Variants in PRAMEF15 observed in about 807,000 individuals in gnomAD.
PRAMEF15 encodes the protein PRAME family member 9/15.
Under a neutral mutation model 35.3 loss-of-function variants are expected in PRAMEF15, and 21 were observed. The observed-to-expected ratio is 0.59, with a 90% CI of 0.42 to 0.86. The LOEUF is 0.86. Ranked by LOEUF, PRAMEF15 falls within the 40% of genes least tolerant of loss-of-function variation. The pLI is 0.00. For synonymous variants in PRAMEF15, 122 were observed against 223.3 expected, an observed-to-expected ratio of 0.55 and a Z score of 4.05; for missense variants, 360 against 574.1, an observed-to-expected ratio of 0.63 and a Z score of 3.81.
At chr1:13,317,611 A>C (rs1272504466) in intron 1 of PRAMEF15, among the ~76,000 whole-genome samples, 3 of 152,012 alleles carry the variant, frequency 2.0e-5, no homozygotes, top group Non-Finnish European at 2.9e-5. Flanking sequence ...CTTTACAAAA[A>C]GTCAAAAAAT....
chr1:13,318,076 A>G (rs1157977968), intron 1 of PRAMEF15, among the ~76,000 whole-genome samples: 6 of 149,132 alleles, frequency 4.0e-5, no homozygotes, highest in African/African-American at 1.5e-4. Flanking sequence ...TAGATCCTTG[A>G]GTAATTAGTA....
chr1:13,319,201 A>G lies in PRAMEF15; in HGVS notation c.294-171A>G, dbSNP rs547954898. On this transcript the variant is annotated intron_variant, in intron 2 of 3. Coordinates refer to ENST00000376152, the MANE Select transcript of PRAMEF15 (RefSeq NM_001098376.3). ...ACAGGGAGACTTGGTCTCAAAAAAA[A>G]AAAAAAACAAAACAATGTGGAAGTG... Among the ~76,000 whole-genome samples the G allele has an allele frequency of 4.0e-5, 6 of 151,308 alleles. No individual in the cohort carries two copies. The East Asian group carries it at 1.2e-3, about 30-fold the overall frequency.
Position 13,318,688 on chromosome 1 carries a change from G to C in PRAMEF15, c.281G>C (p.Gly94Ala), listed in dbSNP as rs1553166915. Residue 94 changes from glycine (G) to alanine (A), a missense_variant, in exon 2 of 4, where the codon GGG becomes GCG. Transcript: ENST00000376152. ...GGGCTTGATGCACTGCTTACCCAAGGGGTTCGTCCCAGGTGAGGTGGCCCA... is the reference window on the plus strand; with the variant it reads ...GGGCTTGATGCACTGCTTACCCAAGCGGTTCGTCCCAGGTGAGGTGGCCCA... ...LDGLDALLTQ[G>A]VRPRRWKLQV... is the part of the protein sequence containing the mutation. 2.5e-6 allele frequency: 4 copies of C among 1,613,722 alleles called. No homozygotes were observed. The highest frequency in any genetic ancestry group is 2.7e-5 in the African/African-American group (2 of 74,906).
chr1:13,318,961 C>T (rs926764568), intron 2 of PRAMEF15, among the ~76,000 whole-genome samples: 3 of 151,776 alleles, frequency 2.0e-5, no homozygotes, highest in African/African-American at 7.3e-5. Context: ...CAATGTAATC[C>T]CAGCACATTG....
intron 3 of PRAMEF15, 118 bp from the exon 4 acceptor site, chr1:13,321,585 C>G (rs1234989476): frequency 1.9e-5 from 27 of 1,395,676 alleles, no homozygotes; most frequent in East Asian, 4.6e-5. Context: ...ATCAGGCCAT[C>G]AGAATGACCC....
At chr1:13,319,001 C>T (rs1640043632) in intron 2 of PRAMEF15, among the ~76,000 whole-genome samples, 3 of 151,848 alleles carry the variant, frequency 2.0e-5, no homozygotes, top group Admixed American at 6.6e-5. Flanking sequence ...TGGAGGCCAG[C>T]CTGTCCAACA....
intron 3 of PRAMEF15, among the ~76,000 whole-genome samples, chr1:13,320,948 A>G (rs1216775657): frequency 6.6e-6 from 1 of 152,070 alleles, no homozygotes; most frequent in African/African-American, 2.4e-5. Flanking sequence ...AGGGTCAGGG[A>G]GCAGGCACAA....
At chr1:13,315,840 A>C (rs1243120348) in intron 1 of PRAMEF15, among the ~76,000 whole-genome samples, 182 bp downstream of exon 1, 3 of 151,764 alleles carry the variant, frequency 2.0e-5, no homozygotes, top group Admixed American at 2.0e-4. Context: ...ATTTCAAAAA[A>C]GTTGATTGTG....
In PRAMEF15 at chr1:13,319,354, A is replaced by G. The variant is rs1358683725; in HGVS notation, c.294-18A>G. ...AATGAGTTCTTAAATTCTCAGTCTC[A>G]CCTCTATTTTGCCACAGGAGGTGGA... On this transcript the variant is annotated intron_variant, in intron 2 of 3. Coordinates refer to ENST00000376152, the MANE Select transcript of PRAMEF15 (RefSeq NM_001098376.3). The G allele has an allele frequency of 2.5e-6, 4 of 1,609,096 alleles. No homozygotes were observed. Among genetic ancestry groups the G allele is most frequent in the Middle Eastern group, 2.2e-4 (1 of 4,450 alleles).
At position 13,318,321 on chromosome 1, in the gene PRAMEF15, A is replaced by C. The variant is rs1304830110; in HGVS notation, c.-16-71A>C. The C allele has an allele frequency of 1.2e-5, 19 of 1,589,712 alleles. No individual in the cohort carries two copies. The South Asian group carries it at 1.3e-4, about 11-fold the overall frequency. On this transcript the variant is annotated intron_variant, in intron 1 of 3. Transcript: ENST00000376152. ...CATTGCCAGAGCAGTGAGTTTGGCCATAGGAGAAGATGAGATTGCATGGGC... is the reference window on the plus strand; with the variant it reads ...CATTGCCAGAGCAGTGAGTTTGGCCCTAGGAGAAGATGAGATTGCATGGGC...
At chr1:13,316,673 T>G (rs1161462169) in intron 1 of PRAMEF15, among the ~76,000 whole-genome samples, 8 of 151,856 alleles carry the variant, frequency 5.3e-5, no homozygotes, top group South Asian at 4.2e-4. Context: ...CAAAAAAAAT[T>G]ATATGACCCA....
rs2100327250 is a variant in PRAMEF15 at position 13,322,015 on chromosome 1, C to T, written c.1188C>T (p.Thr396=). The change falls in exon 4 of 4, where the codon ACC becomes ACT. Residue 396 remains threonine, a synonymous_variant. Transcript: ENST00000376152. ...GTGGAAATCCCATCTGCATGGCCACCCTGGAGAACCTGCTGAGCCACACAA... is the reference window on the plus strand; with the variant it reads ...GTGGAAATCCCATCTGCATGGCCACTCTGGAGAACCTGCTGAGCCACACAA... The part of the protein sequence containing the change: ...SFCGNPICMA[T]LENLLSHTII... 1.2e-6 allele frequency: 2 copies of T among 1,609,690 alleles called. No individual in the cohort carries two copies. The highest frequency in any genetic ancestry group is 2.3e-5 in the East Asian group (1 of 44,368).
intron 1 of PRAMEF15, among the ~76,000 whole-genome samples, chr1:13,317,790 GGAGAGAGAGAAA>G (rs1261423148): frequency 0.015 from 2,257 of 148,268 alleles, 56 homozygotes; most frequent in African/African-American, 0.053. Context: ...AGTGAGAGAG[GGAGAGAGAGAAA>G]GAGAGAGAGA....
At chr1:13,319,013 G>A (rs1180755162) in intron 2 of PRAMEF15, among the ~76,000 whole-genome samples, 3 of 151,912 alleles carry the variant, frequency 2.0e-5, no homozygotes, top group East Asian at 2.0e-4. Context: ...TGTCCAACAT[G>A]GTAAACCCCA....
At chr1:13,320,780 G>C (rs1244226805) in intron 3 of PRAMEF15, among the ~76,000 whole-genome samples, 2 of 152,142 alleles carry the variant, frequency 1.3e-5, no homozygotes, top group African/African-American at 4.8e-5. Context: ...GGGCACTGAA[G>C]AGGGGAATGC....
At chr1:13,317,860 AGAGAGGGGGAAAGAAAGAAAGAAGGGAGG>A (rs1391737543) in intron 1 of PRAMEF15, among the ~76,000 whole-genome samples, 1 of 141,330 alleles carries the variant, frequency 7.1e-6, no homozygotes, top group Non-Finnish European at 1.6e-5. Flanking sequence ...AAGAAGGGAG[AGAGAGGGGGAAAGAAAGAAAGAAGGGAGG>A]GAGAGAGGGA....
At chr1:13,320,559 G>C (rs1405200841) in intron 3 of PRAMEF15, among the ~76,000 whole-genome samples, 2 of 151,958 alleles carry the variant, frequency 1.3e-5, no homozygotes, top group African/African-American at 2.4e-5. Flanking sequence ...GAGTGCCTGG[G>C]ATTACAGGCG....
Position 13,322,193 on chromosome 1 carries a change from T to G in PRAMEF15, c.1366T>G (p.Cys456Gly), listed in dbSNP as rs1205364674. 179 of 1,606,150 alleles carry G rather than the reference T, an allele frequency of 1.1e-4. 2 individuals are homozygous for G. The highest frequency in any genetic ancestry group is 9.1e-4 in the African/African-American group (65 of 71,790). Residue 456 changes from cysteine to glycine, a missense_variant, in exon 4 of 4, where the codon TGT (cysteine) becomes GGT (glycine). Cys to Gly is a radical substitution (Grantham distance 159, BLOSUM62 -3). Transcript: ENST00000376152. ...AAGGCACCCCAAGAGGATCTTGTTC[T>G]GTACTGACTACTGCCCTGACTGTGG... Reference protein sequence around the residue: ...DLRHPKRILFCTDYCPDCGNR... With the variant: ...DLRHPKRILFGTDYCPDCGNR...
intron 3 of PRAMEF15, among the ~76,000 whole-genome samples, chr1:13,320,431 T>G (rs1450742228): frequency 1.4e-5 from 2 of 137,968 alleles, no homozygotes; most frequent in African/African-American, 5.1e-5. Context: ...CAAGATAACT[T>G]TTTTTTTCTG....
Sources: allele counts gnomAD v4.1 joint callset (sites outside exome capture counted in the v4.1 genomes callset), GRCh38; gene constraint gnomAD v4.1.1; transcripts MANE v1.5; gene names NCBI Gene and HGNC (gene_info 2026-07-23, HGNC 2026-07-21).